The following LRP1B variants were observed in gnomAD, a reference collection of about 807,000 sequenced individuals.
LRP1B encodes LDL receptor related protein 1B, also known as low-density lipoprotein receptor-related protein 1B.
Under a neutral mutation model 556.6 loss-of-function variants are expected in LRP1B, and 217 were observed. That is an observed-to-expected ratio of 0.39 (90% CI 0.35 to 0.44). LRP1B has a LOEUF of 0.44. LRP1B is among the 20% of genes least tolerant of loss of function. LRP1B has a pLI of 1.00. For synonymous variants in LRP1B, 2,047 were observed against 1,865.8 expected (o/e 1.10, Z -2.50); for missense variants, 5,053 against 5,620.8 (o/e 0.90, Z 3.23).
intron 1 of LRP1B, among the ~76,000 whole-genome samples, chr2:142,039,648 T>C (rs1414690526): frequency 6.6e-6 from 1 of 151,522 alleles, no homozygotes; most frequent in African/African-American, 2.4e-5. Context: ...ATTAGAGCAG[T>C]TGGATGTGGG....
chr2:141,159,535 G>A (rs987586504), intron 7 of LRP1B, among the ~76,000 whole-genome samples: 4 of 151,952 alleles, frequency 2.6e-5, no homozygotes, highest in Admixed American at 2.0e-4. Context: ...CCCAGCTCAG[G>A]GCCGTAGTTG....
intron 2 of LRP1B, among the ~76,000 whole-genome samples, chr2:141,609,970 T>C (rs955742171): frequency 2.0e-5 from 3 of 152,352 alleles, no homozygotes; most frequent in African/African-American, 7.2e-5. Context: ...AATCAATACC[T>C]AATGGTGAAA....
intron 2 of LRP1B, among the ~76,000 whole-genome samples, chr2:141,575,839 G>A (rs1238441367): frequency 6.6e-6 from 1 of 151,414 alleles, no homozygotes; most frequent in Admixed American, 6.6e-5. Context: ...GGCAACATGT[G>A]AAAAAAAGCT....
rs114081945 is a variant in LRP1B, at chr2:141,436,753, T to G, written c.343+43643A>C. 2.3e-3 allele frequency among the ~76,000 whole-genome samples: 344 copies of G among 152,294 alleles called. 3 individuals are homozygous for G. Among genetic ancestry groups the G allele is most frequent in the African/African-American group, 7.8e-3 (324 of 41,572 alleles). ...ATTCTTGTAGATAAATTGTTTTAGT[T>G]TCTCTGAGGAACAGTTTAGGTTCAA... On this transcript the variant is annotated intron_variant, in intron 3 of 90. Coordinates refer to ENST00000389484, the MANE Select transcript of LRP1B (RefSeq NM_018557.3).
chr2:141,100,886 G>A (rs1700443860), intron 7 of LRP1B, among the ~76,000 whole-genome samples: 1 of 152,014 alleles, frequency 6.6e-6, no homozygotes, highest in Non-Finnish European at 1.5e-5. Flanking sequence ...ACAACATGGA[G>A]AACCCCCCAT....
chr2:141,121,640 G>A (rs1376987134), intron 7 of LRP1B, among the ~76,000 whole-genome samples: 2 of 152,026 alleles, frequency 1.3e-5, no homozygotes, highest in African/African-American at 4.8e-5. Context: ...CTCATGGGTA[G>A]GAAGAATCAA....
intron 7 of LRP1B, among the ~76,000 whole-genome samples, chr2:141,182,535 A>G (rs1681051011): frequency 2.0e-5 from 3 of 151,858 alleles, no homozygotes; most frequent in South Asian, 4.1e-4. Context: ...TCATTTTATT[A>G]GTTTTTTTTT....
intron 51 of LRP1B, among the ~76,000 whole-genome samples, chr2:140,510,265 GTTA>G (rs1445576363): frequency 1.3e-5 from 2 of 152,050 alleles, no homozygotes. Context: ...AGCTATAATT[GTTA>G]TATTTCTTAA....
At chr2:140,479,294 A>G (rs1172862052) in intron 59 of LRP1B, among the ~76,000 whole-genome samples, 1 of 152,174 alleles carries the variant, frequency 6.6e-6, no homozygotes, top group African/African-American at 2.4e-5. Context: ...TGAAACCCTT[A>G]AAAATTACCT....
intron 41 of LRP1B, among the ~76,000 whole-genome samples, chr2:140,651,732 G>A (rs914387899): frequency 6.6e-6 from 1 of 152,056 alleles, no homozygotes; most frequent in African/African-American, 2.4e-5. Flanking sequence ...AGGGAGTCAT[G>A]AACACTGAGT....
Position 141,086,760 on chromosome 2 carries a change from G to A in LRP1B, c.1014-24487C>T, listed in dbSNP as rs529412814. Among the ~76,000 whole-genome samples, 4 of 152,070 alleles carry A rather than the reference G, an allele frequency of 2.6e-5. No homozygotes were observed. In the South Asian group the frequency reaches 6.2e-4, roughly 24 times the overall value. Reference sequence around the variant, plus strand: ...CAGTGGTCCTGCAAGGGAAACCAACGATGAACCAGCCCATTTGATTCAATC... The same window carrying A: ...CAGTGGTCCTGCAAGGGAAACCAACAATGAACCAGCCCATTTGATTCAATC... On this transcript the variant is annotated intron_variant, in intron 7 of 90. Transcript: ENST00000389484.
chr2:140,301,219 A>C (rs545005857), intron 83 of LRP1B, among the ~76,000 whole-genome samples: 1 of 152,156 alleles, frequency 6.6e-6, no homozygotes, highest in East Asian at 1.9e-4. Flanking sequence ...CACATACTAC[A>C]ACAGCAAACA....
intron 32 of LRP1B, among the ~76,000 whole-genome samples, chr2:140,795,763 T>C (rs2104996601): frequency 6.6e-6 from 1 of 152,210 alleles, no homozygotes; most frequent in Non-Finnish European, 1.5e-5. Flanking sequence ...TAAGTTCAGT[T>C]TAAGACAATT....
chr2:141,688,735 T>C (rs1195363671), intron 2 of LRP1B, among the ~76,000 whole-genome samples: 1 of 151,802 alleles, frequency 6.6e-6, no homozygotes, highest in African/African-American at 2.4e-5. Context: ...ATATCTGCCT[T>C]TCTAGCACAG....
chr2:140,257,088 A>G (rs1396386247), intron 86 of LRP1B, among the ~76,000 whole-genome samples: 2 of 152,110 alleles, frequency 1.3e-5, no homozygotes, highest in African/African-American at 4.8e-5. Context: ...ATTCTTAAGC[A>G]AATTTTGCTG....
chr2:141,463,563 T>TA (rs1356710718), intron 3 of LRP1B, among the ~76,000 whole-genome samples: 164 of 14,376 alleles, frequency 0.011, 2 homozygotes, highest in African/African-American at 0.032. Context: ...ATATAATATA[T>TA]ATTATATATT....
At chr2:140,799,930 A>G (rs972339344) in intron 32 of LRP1B, among the ~76,000 whole-genome samples, 8 of 152,172 alleles carry the variant, frequency 5.3e-5, no homozygotes, top group African/African-American at 1.4e-4. Context: ...GGTGCAGCCC[A>G]CCGAGCATGA....
chr2:141,739,778 T>G (rs1013559880), intron 2 of LRP1B, among the ~76,000 whole-genome samples: 3 of 151,334 alleles, frequency 2.0e-5, no homozygotes, highest in Non-Finnish European at 4.4e-5. Flanking sequence ...TTCACCCACA[T>G]GCATGGACTC....
At chr2:140,890,550 C>T (rs1205516689) in intron 23 of LRP1B, among the ~76,000 whole-genome samples, 1 of 151,960 alleles carries the variant, frequency 6.6e-6, no homozygotes, top group Non-Finnish European at 1.5e-5. Context: ...TAAATATTTA[C>T]TGAATTATGC....
Sources: allele counts gnomAD v4.1 joint callset (sites outside exome capture counted in the v4.1 genomes callset), GRCh38; gene constraint gnomAD v4.1.1; transcripts MANE v1.5; gene names NCBI Gene and HGNC (gene_info 2026-07-23, HGNC 2026-07-21).